The following CDC25A variants were observed in gnomAD, a reference collection of about 807,000 sequenced individuals.
CDC25A encodes cell division cycle 25A.
A neutral mutation model predicts 64.6 loss-of-function variants in CDC25A; 17 were observed. The observed-to-expected ratio is 0.26, with a 90% CI of 0.18 to 0.39. CDC25A has a LOEUF of 0.39. Among genes scored for constraint, CDC25A ranks in the 10% least tolerant of loss-of-function variants. CDC25A has a pLI of 1.00. For synonymous variants in CDC25A, 229 were observed against 238.6 expected, an observed-to-expected ratio of 0.96 and a Z score of 0.37; for missense variants, 473 against 654.8, an observed-to-expected ratio of 0.72 and a Z score of 3.03.
rs1490723416 is a variant in CDC25A, at chr3:48,187,906, G to A, written c.42C>T (p.Leu14=). ...ACGCGGGAGGGGGGCTGCAGGCGAA[G>A]AGCAGGCGGCGGCGGTGCGGGGGCT... is the stretch of plus-strand genomic sequence containing the variant. The part of the protein sequence containing the change: ...GPEPPHRRRL[L]FACSPPPASQ... The change falls in exon 1 of 15, where the codon CTC becomes CTT. Residue 14 remains leucine, a synonymous_variant. Transcript: ENST00000302506. 1.3e-6 allele frequency: 2 copies of A among 1,541,008 alleles called. No individual in the cohort carries two copies. Among genetic ancestry groups the A allele is most frequent in the Non-Finnish European group, 1.7e-6 (2 of 1,144,218 alleles).
At chr3:48,176,733 G>T (rs1232947911) in intron 8 of CDC25A, among the ~76,000 whole-genome samples, 3 of 151,730 alleles carry the variant, frequency 2.0e-5, no homozygotes, top group Admixed American at 2.0e-4. Flanking sequence ...CACTTTGGGA[G>T]GTCGAGGTGG....
intron 9 of CDC25A, among the ~76,000 whole-genome samples, chr3:48,169,262 T>C (rs2032177026): frequency 6.6e-6 from 1 of 152,168 alleles, no homozygotes; most frequent in Admixed American, 6.6e-5. Context: ...GGAAAGAATG[T>C]AAAAACTGCA....
intron 13 of CDC25A, among the ~76,000 whole-genome samples, chr3:48,164,075 T>C (rs922796496): frequency 2.0e-5 from 3 of 152,214 alleles, no homozygotes; most frequent in African/African-American, 7.2e-5. Context: ...ACTTTGTACT[T>C]GAAGGAGGTC....
At chr3:48,167,080 G>C (rs1575262065) in intron 10 of CDC25A, among the ~76,000 whole-genome samples, 1 of 152,092 alleles carries the variant, frequency 6.6e-6, no homozygotes. Context: ...ACTTCTCACG[G>C]CATGCTGTTT....
At chr3:48,187,503 G>C (rs919928840) in intron 1 of CDC25A, among the ~76,000 whole-genome samples, 1 of 152,254 alleles carries the variant, frequency 6.6e-6, no homozygotes, top group African/African-American at 2.4e-5. Context: ...GATAGAAGGA[G>C]AGTACGGAGC....
In CDC25A at chr3:48,184,704, A is replaced by G. The variant is rs549662499; in HGVS notation, c.248-9T>C. On this transcript the variant is annotated splice_polypyrimidine_tract_variant and intron_variant, in intron 2 of 14. Transcript: ENST00000302506. Reference sequence around the variant, plus strand: ...AGAATCTAGACAGAAACCTATGGGGAAAAAAAAAACCTCTCAAGAAATAAT... The same window carrying G: ...AGAATCTAGACAGAAACCTATGGGGGAAAAAAAAACCTCTCAAGAAATAAT... The G allele has an allele frequency of 2.0e-5, 29 of 1,444,714 alleles. No homozygotes were observed. Among genetic ancestry groups the G allele is most frequent in the African/African-American group, 7.3e-5 (5 of 68,528 alleles). The allele number at this position is 1,444,714 out of a possible 1,614,324, so 89.5% of individuals were successfully genotyped here.
intron 2 of CDC25A, among the ~76,000 whole-genome samples, chr3:48,185,000 C>T (rs1459728569): frequency 6.6e-6 from 1 of 152,134 alleles, no homozygotes; most frequent in Non-Finnish European, 1.5e-5. Flanking sequence ...TTTGGTTATT[C>T]AGATAGAGGT....
intron 9 of CDC25A, among the ~76,000 whole-genome samples, chr3:48,171,417 A>C (rs1411390964): frequency 6.8e-6 from 1 of 146,990 alleles, no homozygotes; most frequent in Non-Finnish European, 1.5e-5. Context: ...ATCTCACTCT[A>C]TCACCCAGGC....
intron 3 of CDC25A, 98 bp downstream of exon 3, chr3:48,184,555 G>A: frequency 1.3e-6 from 1 of 783,520 alleles, no homozygotes; most frequent in Non-Finnish European, 2.1e-6. Context: ...TAAATCCAGG[G>A]CTCCAGTCCA....
intron 4 of CDC25A, among the ~76,000 whole-genome samples, chr3:48,183,513 CA>C (rs2032741971): frequency 1.3e-5 from 2 of 151,890 alleles, no homozygotes; most frequent in African/African-American, 4.8e-5. Flanking sequence ...CCCATGTCTA[CA>C]AAAAATACAA....
intron 14 of CDC25A, 91 bp from the exon 15 acceptor site, chr3:48,159,176 C>T (rs961312829): frequency 1.7e-5 from 25 of 1,505,912 alleles, no homozygotes; most frequent in Non-Finnish European, 1.9e-5. Context: ...AGGCTGAAAG[C>T]GGCCAGGCAG....
chr3:48,158,386 C>G lies in CDC25A; in HGVS notation c.*559G>C, dbSNP rs959891016. 2.0e-5 allele frequency: 3 copies of G among 151,546 alleles called. No homozygotes were observed. Among genetic ancestry groups the G allele is most frequent in the African/African-American group, 7.3e-5 (3 of 41,044 alleles). The allele number at this position is 151,546 out of a possible 1,614,324, so 9.4% of individuals were successfully genotyped here. On this transcript the variant is annotated 3_prime_UTR_variant, in exon 15 of 15. Coordinates refer to ENST00000302506, the MANE Select transcript of CDC25A (RefSeq NM_001789.3). ...TCTTTTTTTTTTTTAAATTAAAAGC[C>G]GAGGTAGTCCCTGGGATAATAAAAC... is the stretch of plus-strand genomic sequence containing the variant.
chr3:48,187,584 G>A (rs934415017), intron 1 of CDC25A, among the ~76,000 whole-genome samples, 194 bp downstream of exon 1: 3 of 152,260 alleles, frequency 2.0e-5, no homozygotes, highest in African/African-American at 7.2e-5. Context: ...CCCCTGGAAG[G>A]TCCCGACGGC....
chr3:48,174,406 G>A lies in CDC25A; in HGVS notation c.808C>T (p.Arg270Trp), dbSNP rs1160952995. Residue 270 changes from arginine (R) to tryptophan (W), a missense_variant, in exon 9 of 15, where the codon CGG (arginine) becomes TGG (tryptophan). Transcript: ENST00000302506. ...DSPSLCSSST[R>W]SVLKRPERSQ... is the part of the protein sequence containing the mutation. ...CGTTCTGGTCTCTTCAACACTGACCGAGTGCTGGAGCTACACAGGGAAGGG... is the reference window on the plus strand; with the variant it reads ...CGTTCTGGTCTCTTCAACACTGACCAAGTGCTGGAGCTACACAGGGAAGGG... 4.3e-6 allele frequency: 7 copies of A among 1,613,824 alleles called. No homozygotes were observed. The highest frequency in any genetic ancestry group is 3.3e-5 in the Admixed American group (2 of 59,984).
chr3:48,183,893 A>T, intron 3 of CDC25A, 57 bp from the exon 4 acceptor site: 1 of 1,102,494 alleles, frequency 9.1e-7, no homozygotes. Flanking sequence ...AGGTATTCAT[A>T]TTAGCAGAGA....
chr3:48,157,559 G>A lies in CDC25A; in HGVS notation c.*1386C>T, dbSNP rs1380926810. The A allele has an allele frequency of 6.6e-6, 1 of 152,618 alleles. No homozygotes were observed. Among genetic ancestry groups the A allele is most frequent in the Non-Finnish European group, 1.5e-5 (1 of 68,060 alleles). The allele number at this position is 152,618 out of a possible 1,614,324, so 9.5% of individuals were successfully genotyped here. On this transcript the variant is annotated 3_prime_UTR_variant, in exon 15 of 15. Coordinates refer to ENST00000302506, the MANE Select transcript of CDC25A (RefSeq NM_001789.3). The stretch of plus-strand genomic sequence containing the variant: ...GATGGTAAGGAGGCTGGCACCAGAG[G>A]GCAGGGATGAGTAGGCACTGAAACA...
Position 48,174,429 on chromosome 3 carries a change from G to A in CDC25A, c.785C>T (p.Pro262Leu). 3 of 1,612,754 alleles carry A rather than the reference G, an allele frequency of 1.9e-6. No individual in the cohort carries two copies. Among genetic ancestry groups the A allele is most frequent in the African/African-American group, 1.3e-5 (1 of 74,946 alleles). Residue 262 changes from proline to leucine, a missense_variant, in exon 9 of 15, where the codon CCT (proline) becomes CTT (leucine). Around this residue, in one of 2 missense-constraint regions of CDC25A, gnomAD observed 376 missense variants for 431.9 expected, o/e 0.87. Transcript: ENST00000302506. Reference sequence around the variant, plus strand: ...CCGAGTGCTGGAGCTACACAGGGAAGGGGAGTCAAACAGCTTGCATCGGTT... The same window carrying A: ...CCGAGTGCTGGAGCTACACAGGGAAAGGGAGTCAAACAGCTTGCATCGGTT... ...LDNRCKLFDSPSLCSSSTRSV... is the reference protein window; with the variant it reads ...LDNRCKLFDSLSLCSSSTRSV...
chr3:48,162,294 G>GTT (rs2031804861), intron 13 of CDC25A, among the ~76,000 whole-genome samples: 1 of 151,188 alleles, frequency 6.6e-6, no homozygotes, highest in Non-Finnish European at 1.5e-5. Flanking sequence ...GTGTGTGTGT[G>GTT]TGTGAGAGAG....
chr3:48,176,976 A>C (rs974387544), intron 8 of CDC25A, among the ~76,000 whole-genome samples: 1 of 152,154 alleles, frequency 6.6e-6, no homozygotes, highest in Admixed American at 6.6e-5. Context: ...CGTCTCAAAA[A>C]AAAAAACAAA....
Sources: gnomAD v4.1 joint callset for allele counts (sites outside exome capture counted in the v4.1 genomes callset) on GRCh38, gnomAD v4.1.1 for gene constraint, gnomAD v4.1.1 regional missense constraint, MANE v1.5 for transcripts, NCBI Gene and HGNC (gene_info 2026-07-23, HGNC 2026-07-21) for gene names.